The following CASD1 variants were observed in gnomAD, a reference collection of about 807,000 sequenced individuals.
CASD1 encodes the protein CAS1 domain sialic acid O acetyltransferase 1.
CASD1 carries 41 observed loss-of-function variants against 100.0 expected under a neutral mutation model. The observed-to-expected ratio is 0.41, with a 90% CI of 0.32 to 0.53. The LOEUF is 0.53. Ranked by LOEUF, CASD1 falls within the 20% of genes least tolerant of loss-of-function variation. The probability of loss-of-function intolerance (pLI) is 0.25; values close to 1 mark genes in which losing one functional copy is unlikely to be tolerated. For synonymous variants in CASD1, 321 were observed against 315.6 expected, an observed-to-expected ratio of 1.02 and a Z score of -0.18; for missense variants, 774 against 948.7, an observed-to-expected ratio of 0.82 and a Z score of 2.42.
chr7:94,581,408 G>A, the CASD1 span, among the ~76,000 whole-genome samples: 1 of 152,134 alleles, frequency 6.6e-6, no homozygotes, highest in East Asian at 1.9e-4. Flanking sequence ...TACATGTGCA[G>A]GATGTGCAGG....
chr7:94,550,319 T>C (rs1445951196), intron 14 of CASD1, among the ~76,000 whole-genome samples: 1 of 152,178 alleles, frequency 6.6e-6, no homozygotes, highest in Non-Finnish European at 1.5e-5. Context: ...GCCTATTCTT[T>C]GCCTTTCCTA....
At chr7:94,552,286 C>G in intron 15 of CASD1, 64 bp from the exon 16 acceptor site, 1 of 1,052,942 alleles carries the variant, frequency 9.5e-7, no homozygotes. Flanking sequence ...AAAAAAAACA[C>G]TGTGAGGCTT....
intron 8 of CASD1, among the ~76,000 whole-genome samples, chr7:94,537,103 A>G (rs1795159263): frequency 6.6e-6 from 1 of 151,974 alleles, no homozygotes; most frequent in Admixed American, 6.6e-5. Flanking sequence ...GCATTTTTTA[A>G]CTAAAGGTCA....
At chr7:94,546,598 ACTAT>A (rs1360331873) in intron 12 of CASD1, among the ~76,000 whole-genome samples, 4 of 151,950 alleles carry the variant, frequency 2.6e-5, no homozygotes, top group Non-Finnish European at 5.9e-5. Flanking sequence ...AATCGAATAA[ACTAT>A]CAATAAACTT....
chr7:94,579,239 A>C, the CASD1 span, among the ~76,000 whole-genome samples: 8 of 151,738 alleles, frequency 5.3e-5, no homozygotes, highest in African/African-American at 1.9e-4. Context: ...AAAAAAGGAA[A>C]GGGGGTATGT....
At chr7:94,515,239 A>C (rs534203845) in intron 1 of CASD1, among the ~76,000 whole-genome samples, 19 of 152,230 alleles carry the variant, frequency 1.2e-4, no homozygotes, top group Admixed American at 5.9e-4. Context: ...ACATGGATTA[A>C]TTTCAGATAC....
At chr7:94,614,925 A>G in the CASD1 span, among the ~76,000 whole-genome samples, 1 of 152,182 alleles carries the variant, frequency 6.6e-6, no homozygotes, top group Non-Finnish European at 1.5e-5. Context: ...AGTTGCATTG[A>G]CTTCATTTGT....
At chr7:94,628,608 T>C in the CASD1 span, 75 of 471,986 alleles carry the variant, frequency 1.6e-4, no homozygotes, top group Non-Finnish European at 1.7e-4. Context: ...CTTGGAAATA[T>C]ATTTTTGGTC....
the CASD1 span, chr7:94,624,418 C>A: frequency 2.6e-6 from 1 of 390,016 alleles, no homozygotes; most frequent in Non-Finnish European, 4.5e-6. Context: ...TAATTTTAAA[C>A]TTTTAACAAT....
the CASD1 span, among the ~76,000 whole-genome samples, chr7:94,595,970 T>C: frequency 1.1e-3 from 171 of 152,266 alleles, no homozygotes; most frequent in Middle Eastern, 3.4e-3. Flanking sequence ...CTCAGAATAA[T>C]CATTGTGAAC....
At chr7:94,553,648 G>GC (rs1021788711) in intron 16 of CASD1, among the ~76,000 whole-genome samples, 14 of 152,052 alleles carry the variant, frequency 9.2e-5, no homozygotes, top group African/African-American at 3.4e-4. Context: ...ACAGTTTCTT[G>GC]CTTTTTATAA....
At chr7:94,534,875 C>A (rs1318669790) in intron 7 of CASD1, among the ~76,000 whole-genome samples, 3 of 152,026 alleles carry the variant, frequency 2.0e-5, no homozygotes, top group South Asian at 2.1e-4. Context: ...ATATTACCTC[C>A]TGATGATATG....
intron 10 of CASD1, among the ~76,000 whole-genome samples, chr7:94,541,513 C>T (rs1584417705): frequency 7.7e-6 from 1 of 130,254 alleles, no homozygotes; most frequent in Admixed American, 8.5e-5. Context: ...TTGGTATATA[C>T]AGTAGGTGAT....
At chr7:94,582,136 T>C in the CASD1 span, among the ~76,000 whole-genome samples, 1 of 152,178 alleles carries the variant, frequency 6.6e-6, no homozygotes. Flanking sequence ...ATCAGCGATG[T>C]TGAGCTTTTC....
At chr7:94,591,711 C>T in the CASD1 span, among the ~76,000 whole-genome samples, 1 of 152,150 alleles carries the variant, frequency 6.6e-6, no homozygotes, top group African/African-American at 2.4e-5. Context: ...TATGCCCTGT[C>T]GTTTCTTTTC....
chr7:94,529,504 A>G (rs1794744542), intron 5 of CASD1, among the ~76,000 whole-genome samples: 1 of 152,156 alleles, frequency 6.6e-6, no homozygotes, highest in Non-Finnish European at 1.5e-5. Flanking sequence ...CTTGAGATTG[A>G]TTAGTTGATG....
At chr7:94,600,723 T>C in the CASD1 span, 1 of 1,613,868 alleles carries the variant, frequency 6.2e-7, no homozygotes, top group Non-Finnish European at 8.5e-7. Flanking sequence ...GCACAGCCAG[T>C]GTAATTAGGA....
At chr7:94,578,340 C>T in the CASD1 span, among the ~76,000 whole-genome samples, 2 of 152,080 alleles carry the variant, frequency 1.3e-5, no homozygotes, top group Non-Finnish European at 2.9e-5. Context: ...AATAGGACTC[C>T]GTTTACATCT....
At chr7:94,588,098 T>C in the CASD1 span, 1 of 1,197,272 alleles carries the variant, frequency 8.4e-7, no homozygotes, top group Non-Finnish European at 1.0e-6. Flanking sequence ...TAGAGATGAA[T>C]GAAATAATTG....
Sources: gnomAD v4.1 joint callset for allele counts (sites outside exome capture counted in the v4.1 genomes callset) on GRCh38, gnomAD v4.1.1 for gene constraint, MANE v1.5 for transcripts, NCBI Gene and HGNC (gene_info 2026-07-23, HGNC 2026-07-21) for gene names.